Variants in MTUS1 observed in about 807,000 individuals in gnomAD.
MTUS1 encodes the protein microtubule-associated tumor suppressor 1.
Under a neutral mutation model 120.8 loss-of-function variants are expected in MTUS1, and 109 were observed. That is an observed-to-expected ratio of 0.90 (90% CI 0.77 to 1.06). MTUS1 has a LOEUF of 1.06. Among genes scored for constraint, MTUS1 ranks in the 50% least tolerant of loss-of-function variants. MTUS1 has a pLI of 0.00. For missense variants in MTUS1, 2,210 were observed against 1,486.3 expected (o/e 1.49, Z -8.01); for synonymous variants, 737 against 550.5 (o/e 1.34, Z -4.74).
chr8:17,755,501 A>T lies in MTUS1; in HGVS notation c.307T>A (p.Cys103Ser), dbSNP rs61733702. 2.6e-3 allele frequency: 4,154 copies of T among 1,614,202 alleles called. 76 individuals are homozygous for T. The African/African-American group carries it at 0.04, about 15-fold the overall frequency. The change falls in exon 2 of 15, where the codon TGT becomes AGT. Residue 103 changes from cysteine to serine, a missense_variant. Physicochemically the swap from Cys to Ser is moderately radical, Grantham distance 112. Coordinates refer to ENST00000693296, the MANE Select transcript of MTUS1 (RefSeq NM_001363059.2). ...GTACCTACAAGTGCAGGACACTGAC[A>T]AATAGAATCTTTATGCATATCTAAC... ...QVLDMHKDSI[C>S]QCPALVGTEK...
rs908728124 is a variant in MTUS1, at chr8:17,773,968, G to A, written c.-154-18007C>T. Among the ~76,000 whole-genome samples, 11 of 152,076 alleles carry A rather than the reference G, an allele frequency of 7.2e-5. 1 individual carries two copies. The highest frequency in any genetic ancestry group is 2.2e-4 in the African/African-American group (9 of 41,492). ...AGGAGGCACACCTAACCATTCCAAC[G>A]TCCATGTTCTTCCCCACTGTGCAGC... On this transcript the variant is annotated intron_variant, in intron 1 of 14. Transcript: ENST00000693296.
intron 8 of MTUS1, among the ~76,000 whole-genome samples, chr8:17,656,764 G>A (rs1332468012): frequency 6.6e-6 from 1 of 151,874 alleles, no homozygotes; most frequent in African/African-American, 2.4e-5. Flanking sequence ...GAGCAGGAAA[G>A]ACGAGGGATA....
intron 12 of MTUS1, 61 bp from the exon 13 acceptor site, chr8:17,650,023 G>C (rs1585390658): frequency 4.4e-6 from 4 of 899,166 alleles, no homozygotes; most frequent in Non-Finnish European, 7.5e-6. Context: ...TTAACAGAAA[G>C]AATCTTTGAT....
intron 6 of MTUS1, chr8:17,705,786 G>A (rs1380910144): frequency 2.0e-5 from 3 of 152,234 alleles, no homozygotes; most frequent in African/African-American, 7.2e-5. Context: ...GGAAGGACCA[G>A]TGCATTTTCT....
intron 7 of MTUS1, among the ~76,000 whole-genome samples, chr8:17,677,049 C>A (rs1196389123): frequency 6.6e-6 from 1 of 152,096 alleles, no homozygotes; most frequent in African/African-American, 2.4e-5. Context: ...TCACTGAGTA[C>A]CTTTCTGGCT....
intron 8 of MTUS1, among the ~76,000 whole-genome samples, chr8:17,668,303 C>G (rs1026313759): frequency 6.6e-6 from 1 of 152,126 alleles, no homozygotes; most frequent in South Asian, 2.1e-4. Flanking sequence ...CAACGTGGCC[C>G]GGGGAAGCCA....
chr8:17,703,482 A>C (rs1819518884), intron 6 of MTUS1, among the ~76,000 whole-genome samples: 1 of 151,778 alleles, frequency 6.6e-6, no homozygotes, highest in African/African-American at 2.4e-5. Context: ...AAATGTAAAA[A>C]CTTTGCCTAG....
At chr8:17,672,169 C>G (rs1222054910) in intron 8 of MTUS1, among the ~76,000 whole-genome samples, 3 of 152,032 alleles carry the variant, frequency 2.0e-5, no homozygotes, top group Non-Finnish European at 4.4e-5. Context: ...AATGATTATT[C>G]CTTTCTGTAG....
chr8:17,763,629 C>T (rs17125300), intron 1 of MTUS1, among the ~76,000 whole-genome samples: 2 of 152,028 alleles, frequency 1.3e-5, no homozygotes, highest in Admixed American at 6.5e-5. Flanking sequence ...CGACGGTGCA[C>T]TGAGGGAGAT....
intron 7 of MTUS1, chr8:17,681,737 C>G (rs1414528400): frequency 6.5e-6 from 1 of 154,718 alleles, no homozygotes; most frequent in Admixed American, 6.5e-5. Context: ...TTAAAAGGGG[C>G]AGTTGTTGCC....
At chr8:17,779,031 C>A (rs1459416201) in intron 1 of MTUS1, among the ~76,000 whole-genome samples, 2 of 152,046 alleles carry the variant, frequency 1.3e-5, no homozygotes, top group Non-Finnish European at 2.9e-5. Context: ...AACTACAGGT[C>A]ACATAGGAAA....
chr8:17,748,570 C>G (rs1395021823), intron 2 of MTUS1, among the ~76,000 whole-genome samples: 2 of 152,208 alleles, frequency 1.3e-5, no homozygotes, highest in Non-Finnish European at 2.9e-5. Context: ...GCCAAGAGAG[C>G]ACTGTAGCAT....
In MTUS1 at chr8:17,754,878, G is replaced by C. The variant is rs201092668; in HGVS notation, c.930C>G (p.Phe310Leu). The change falls in exon 2 of 15, where the codon TTC becomes TTG. Residue 310 changes from phenylalanine (F) to leucine (L), a missense_variant. Transcript: ENST00000693296. ...EVPNDSALQE[F>L]FCLSHDESNS... ...TGGATTCATCATGGGATAAACAAAAGAACTCTTGTAATGCAGAATCATTGG... is the reference window on the plus strand; with the variant it reads ...TGGATTCATCATGGGATAAACAAAACAACTCTTGTAATGCAGAATCATTGG... 209 of 1,614,124 alleles carry C rather than the reference G, an allele frequency of 1.3e-4. No individual in the cohort carries two copies. Among genetic ancestry groups the C allele is most frequent in the Admixed American group, 2.0e-4 (12 of 60,012 alleles).
At chr8:17,757,064 A>G (rs1483604158) in intron 1 of MTUS1, among the ~76,000 whole-genome samples, 2 of 152,206 alleles carry the variant, frequency 1.3e-5, no homozygotes, top group East Asian at 1.9e-4. Context: ...ATGAAAACAT[A>G]TGTCAACATG....
At chr8:17,674,477 G>C (rs148246323) in intron 8 of MTUS1, 2 of 985,000 alleles carry the variant, frequency 2.0e-6, no homozygotes, top group Admixed American at 6.2e-5. Flanking sequence ...AGGCAGTGTC[G>C]TGTCTGTTCC....
At chr8:17,692,051 A>AG (rs534545360) in intron 6 of MTUS1, 1 of 152,352 alleles carries the variant, frequency 6.6e-6, no homozygotes, top group East Asian at 1.9e-4. Context: ...CATAGAATAG[A>AG]GAAAAAATAG....
At chr8:17,662,273 C>A (rs61327899) in intron 8 of MTUS1, among the ~76,000 whole-genome samples, 3 of 150,902 alleles carry the variant, frequency 2.0e-5, no homozygotes, top group African/African-American at 7.3e-5. Context: ...GAATTTGCAA[C>A]AAGCAAGCAT....
At chr8:17,717,812 C>A (rs1485412181) in intron 4 of MTUS1, among the ~76,000 whole-genome samples, 1 of 152,092 alleles carries the variant, frequency 6.6e-6, no homozygotes, top group Non-Finnish European at 1.5e-5. Context: ...ACTTTTCAGA[C>A]TCAATACAAC....
chr8:17,672,959 G>A (rs1347083003), intron 8 of MTUS1, among the ~76,000 whole-genome samples: 1 of 152,202 alleles, frequency 6.6e-6, no homozygotes, highest in East Asian at 1.9e-4. Context: ...CATTGAAGCA[G>A]AGCGAATGGG....
Sources: gnomAD v4.1 joint callset for allele counts (sites outside exome capture counted in the v4.1 genomes callset) on GRCh38, gnomAD v4.1.1 for gene constraint, MANE v1.5 for transcripts, NCBI Gene and HGNC (gene_info 2026-07-23, HGNC 2026-07-21) for gene names.